The following MTAP variants were observed in gnomAD, a reference collection of about 807,000 sequenced individuals.
MTAP encodes S-methyl-5'-thioadenosine phosphorylase.
In MTAP, 33 loss-of-function variants were observed where a neutral mutation model predicts 33.6. The observed-to-expected ratio is 0.98, with a 90% CI of 0.74 to 1.31. MTAP has a LOEUF of 1.31. Among genes scored for constraint, MTAP ranks in the 40% most tolerant of loss-of-function variants. The pLI is 0.00. For missense variants in MTAP, 367 were observed against 360.0 expected (o/e 1.02, Z -0.16); for synonymous variants, 148 against 125.7 (o/e 1.18, Z -1.19).
chr9:21,874,658 G>A (rs997847276), intron 1 of MTAP, among the ~76,000 whole-genome samples: 1 of 150,896 alleles, frequency 6.6e-6, no homozygotes, highest in African/African-American at 2.4e-5. Flanking sequence ...TCAGTTCCCA[G>A]AAAAACTAGT....
downstream of MTAP, chr9:21,931,212 A>C: frequency 1.4e-6 from 1 of 710,808 alleles, no homozygotes; most frequent in Non-Finnish European, 2.6e-6. Context: ...AGAGGCCAAG[A>C]CCCACAGAAC....
At chr9:21,927,699 G>A (rs559486836) in intron 1 of MTAP, among the ~76,000 whole-genome samples, 2 of 152,212 alleles carry the variant, frequency 1.3e-5, no homozygotes, top group Non-Finnish European at 2.9e-5. Context: ...AGAGGTGGTA[G>A]CTCTGTCCCT....
downstream of MTAP, among the ~76,000 whole-genome samples, chr9:21,869,667 T>C (rs1002307105): frequency 3.9e-5 from 6 of 152,156 alleles, no homozygotes; most frequent in Non-Finnish European, 2.9e-5. Flanking sequence ...GACTCTTCTC[T>C]TCAAAACCCA....
At chr9:21,844,583 G>T (rs1415525380) in intron 5 of MTAP, among the ~76,000 whole-genome samples, 2 of 152,150 alleles carry the variant, frequency 1.3e-5, no homozygotes, top group African/African-American at 4.8e-5. Context: ...ACATAGGCAA[G>T]TCAATAAATG....
chr9:21,891,286 A>T (rs1818196744), intron 1 of MTAP, among the ~76,000 whole-genome samples: 1 of 152,152 alleles, frequency 6.6e-6, no homozygotes, highest in African/African-American at 2.4e-5. Flanking sequence ...TTTCTTAACC[A>T]GGCTGAAATG....
At chr9:21,857,162 G>T (rs1449233855) in intron 6 of MTAP, among the ~76,000 whole-genome samples, 1 of 152,140 alleles carries the variant, frequency 6.6e-6, no homozygotes, top group African/African-American at 2.4e-5. Flanking sequence ...AGGACATTTT[G>T]GGTGAAGCCC....
At position 21,803,033 on chromosome 9, in the gene MTAP, CACA is replaced by C. The variant is rs1824102511; in HGVS notation, c.33+253_33+255del. The C allele has an allele frequency of 8.5e-6, 9 of 1,058,748 alleles. No homozygotes were observed. The African/African-American group carries it at 8.9e-5, about 10-fold the overall frequency. 65.6% of individuals were successfully genotyped at this position (1,058,748 alleles called of 1,614,324 possible). A position where few individuals can be genotyped will look rare whatever the true frequency, so the allele number is the denominator to read the frequency against. ...ACACACACACACACACACACACACA[CACA>C]CCACCTTTTGGCTTATCTGCACCCG... On this transcript the variant is annotated intron_variant, in intron 1 of 7. Coordinates refer to ENST00000644715, the MANE Select transcript of MTAP (RefSeq NM_002451.4).
downstream of MTAP, among the ~76,000 whole-genome samples, chr9:21,867,520 A>G (rs181853936): frequency 5.8e-4 from 88 of 152,180 alleles, 1 homozygote; most frequent in Admixed American, 3.9e-3. Flanking sequence ...CTTAGTCATG[A>G]TATGTTATCC....
At chr9:21,883,852 C>T (rs1356537714) in intron 1 of MTAP, among the ~76,000 whole-genome samples, 1 of 152,020 alleles carries the variant, frequency 6.6e-6, no homozygotes, top group African/African-American at 2.4e-5. Flanking sequence ...AGAGCATACC[C>T]ATACACACTA....
intron 4 of MTAP, among the ~76,000 whole-genome samples, chr9:21,820,109 G>A (rs1824594399): frequency 6.6e-6 from 1 of 152,092 alleles, no homozygotes. Context: ...TCACTCTGAT[G>A]GTAGTTTCTT....
At chr9:21,833,639 G>A (rs139007632) in intron 4 of MTAP, among the ~76,000 whole-genome samples, 88 of 152,250 alleles carry the variant, frequency 5.8e-4, no homozygotes, top group Admixed American at 1.6e-3. Flanking sequence ...ATGAGCAGCC[G>A]TTATTCTGCT....
At chr9:21,811,745 A>G (rs1227099615) in intron 1 of MTAP, 11 of 531,282 alleles carry the variant, frequency 2.1e-5, no homozygotes, top group Non-Finnish European at 3.1e-5. Flanking sequence ...CATCTCATCC[A>G]TGCCCTCGCC....
chr9:21,882,872 A>G (rs753682129), intron 1 of MTAP, among the ~76,000 whole-genome samples: 25 of 152,160 alleles, frequency 1.6e-4, no homozygotes, highest in South Asian at 1.4e-3. Context: ...TCATATATCA[A>G]AGAATAAAGT....
At chr9:21,852,964 G>A (rs998731033) in intron 5 of MTAP, among the ~76,000 whole-genome samples, 2 of 152,108 alleles carry the variant, frequency 1.3e-5, no homozygotes, top group East Asian at 1.9e-4. Context: ...GATTACACGA[G>A]GTAAGAAAAT....
intron 1 of MTAP, among the ~76,000 whole-genome samples, chr9:21,908,912 C>T (rs1488705094): frequency 2.0e-5 from 3 of 151,772 alleles, no homozygotes; most frequent in East Asian, 1.9e-4. Context: ...ATTCCCTTCC[C>T]CTTCCCCATT....
chr9:21,878,833 A>G (rs1307511086), intron 1 of MTAP, among the ~76,000 whole-genome samples: 1 of 152,198 alleles, frequency 6.6e-6, no homozygotes, highest in Non-Finnish European at 1.5e-5. Flanking sequence ...ATTCAGGAGC[A>G]GGTTGTTTAA....
At chr9:21,826,395 A>C (rs1318080759) in intron 4 of MTAP, among the ~76,000 whole-genome samples, 1 of 151,450 alleles carries the variant, frequency 6.6e-6, no homozygotes, top group Non-Finnish European at 1.5e-5. Context: ...GCCTATCCAC[A>C]TTCTGGATGT....
Position 21,837,910 on chromosome 9 carries a change from C to G in MTAP, c.350C>G (p.Thr117Ser). 2 of 1,612,448 alleles carry G rather than the reference C, an allele frequency of 1.2e-6. No individual in the cohort carries two copies. Among genetic ancestry groups the G allele is most frequent in the Non-Finnish European group, 1.7e-6 (2 of 1,179,060 alleles). ...IVIIDQFIDRTTMRPQSFYDG... is the reference protein window; with the variant it reads ...IVIIDQFIDRSTMRPQSFYDG... ...ACCTTTTTTGCTTTATTTTGTAGGACCACTATGAGACCTCAGTCCTTCTAT... is the reference window on the plus strand; with the variant it reads ...ACCTTTTTTGCTTTATTTTGTAGGAGCACTATGAGACCTCAGTCCTTCTAT... The change falls in exon 5 of 8, where the codon ACC becomes AGC. Residue 117 changes from threonine (T) to serine (S), a missense_variant and splice_region_variant. Thr to Ser is a moderately conservative substitution (Grantham distance 58). Coordinates refer to ENST00000644715, the MANE Select transcript of MTAP (RefSeq NM_002451.4).
At position 21,858,652 on chromosome 9, in the gene MTAP, C is replaced by T. The variant is rs557764458; in HGVS notation, c.691-651C>T. Among the ~76,000 whole-genome samples the T allele has an allele frequency of 5.9e-5, 9 of 152,282 alleles. No homozygotes were observed. In the East Asian group the frequency reaches 7.7e-4, roughly 13 times the overall value. ...GAGAAATCCAACCCCATGATCCAAC[C>T]GCCTCCCACCAGGCCCCACCTCCCA... On this transcript the variant is annotated intron_variant, in intron 6 of 7. Coordinates refer to ENST00000644715, the MANE Select transcript of MTAP (RefSeq NM_002451.4).
Sources: allele counts gnomAD v4.1 joint callset (sites outside exome capture counted in the v4.1 genomes callset), GRCh38; gene constraint gnomAD v4.1.1; transcripts MANE v1.5; gene names NCBI Gene and HGNC (gene_info 2026-07-23, HGNC 2026-07-21).